GNB1: variants seen among roughly 807,000 people sequenced by gnomAD.
GNB1 encodes the protein G protein subunit beta 1, also known as guanine nucleotide-binding protein G(I)/G(S)/G(T) subunit beta-1.
In GNB1, 2 loss-of-function variants were observed where a neutral mutation model predicts 42.9. The observed-to-expected ratio is 0.05, with a 90% CI of 0.02 to 0.15. The LOEUF (loss-of-function observed/expected upper bound fraction) is 0.15. GNB1 is among the 10% of genes least tolerant of loss of function. The pLI is 1.00. For missense variants in GNB1, 193 were observed against 462.2 expected (o/e 0.42, Z 5.34); for synonymous variants, 183 against 174.7 (o/e 1.05, Z -0.38).
At chr1:1,849,105 G>A (rs1647842224) in intron 1 of GNB1, among the ~76,000 whole-genome samples, 1 of 152,150 alleles carries the variant, frequency 6.6e-6, no homozygotes. Context: ...TCTATCAATT[G>A]TGCCCAAGTA....
At chr1:1,803,321 C>A (rs1271256583) in intron 7 of GNB1, among the ~76,000 whole-genome samples, 2 of 152,222 alleles carry the variant, frequency 1.3e-5, no homozygotes, top group Non-Finnish European at 2.9e-5. Context: ...TTTGCAGAGA[C>A]AGGGTCTCGC....
chr1:1,879,021 G>GA (rs1649696181), intron 1 of GNB1, among the ~76,000 whole-genome samples: 1 of 152,160 alleles, frequency 6.6e-6, no homozygotes, highest in South Asian at 2.1e-4. Context: ...CTCTTCCTCT[G>GA]CACATCCCTA....
intron 1 of GNB1, 133 bp downstream of exon 1, chr1:1,890,687 G>C (rs993975613): frequency 6.8e-6 from 1 of 147,186 alleles, no homozygotes; most frequent in Non-Finnish European, 1.5e-5. Flanking sequence ...TTCGGACGCC[G>C]CCCGCCGCAC....
At chr1:1,803,426 G>A (rs1482613151) in intron 7 of GNB1, among the ~76,000 whole-genome samples, 1 of 152,182 alleles carries the variant, frequency 6.6e-6, no homozygotes, top group Admixed American at 6.5e-5. Context: ...TGGGACCATA[G>A]TTGTGTGCCA....
intron 7 of GNB1, among the ~76,000 whole-genome samples, chr1:1,797,906 C>T (rs1362228493): frequency 6.6e-6 from 1 of 152,194 alleles, no homozygotes; most frequent in African/African-American, 2.4e-5. Context: ...GCCATGACCA[C>T]GCCCAGTCCC....
intron 7 of GNB1, among the ~76,000 whole-genome samples, chr1:1,794,500 T>G (rs1646521522): frequency 6.6e-6 from 1 of 152,146 alleles, no homozygotes; most frequent in South Asian, 2.1e-4. Flanking sequence ...GCACTGGTGA[T>G]TCTTGGGATA....
intron 2 of GNB1, among the ~76,000 whole-genome samples, chr1:1,826,457 G>C (rs189306189): frequency 6.6e-6 from 1 of 152,066 alleles, no homozygotes; most frequent in Non-Finnish European, 1.5e-5. Context: ...GATAGCTATC[G>C]CATGAAGACC....
chr1:1,803,019 CA>C (rs1471636548), intron 7 of GNB1, among the ~76,000 whole-genome samples: 1 of 152,094 alleles, frequency 6.6e-6, no homozygotes, highest in Non-Finnish European at 1.5e-5. Flanking sequence ...GTAATCTGGC[CA>C]AAATTAACTT....
chr1:1,831,650 T>C (rs1307650775), intron 2 of GNB1, among the ~76,000 whole-genome samples: 1 of 152,010 alleles, frequency 6.6e-6, no homozygotes, highest in Non-Finnish European at 1.5e-5. Context: ...GGTTTCGCCA[T>C]GTTGGCCAGG....
At chr1:1,795,853 C>A (rs532384261) in intron 7 of GNB1, among the ~76,000 whole-genome samples, 4 of 152,328 alleles carry the variant, frequency 2.6e-5, no homozygotes, top group African/African-American at 9.6e-5. Context: ...CAGCTTCTTA[C>A]TCCAAGAACC....
intron 1 of GNB1, 73 bp downstream of exon 1, chr1:1,890,747 G>GGGGCGGGCGCCCCCA (rs1188755292): frequency 1.3e-5 from 2 of 148,512 alleles, no homozygotes; most frequent in African/African-American, 2.4e-5. Context: ...GGGTGGGGGC[G>GGGGCGGGCGCCCCCA]GGGCGGGCGC....
intron 1 of GNB1, among the ~76,000 whole-genome samples, chr1:1,866,283 C>G (rs763157859): frequency 1.2e-4 from 18 of 152,230 alleles, no homozygotes; most frequent in Non-Finnish European, 2.6e-4. Context: ...CCTCCATTCA[C>G]CCCATGAGAT....
At chr1:1,854,871 A>G (rs1301344835) in intron 1 of GNB1, among the ~76,000 whole-genome samples, 2 of 152,336 alleles carry the variant, frequency 1.3e-5, no homozygotes, top group East Asian at 3.9e-4. Flanking sequence ...CATCTCTACT[A>G]AAAATACATC....
At chr1:1,798,392 G>C (rs527282406) in intron 7 of GNB1, among the ~76,000 whole-genome samples, 4 of 152,316 alleles carry the variant, frequency 2.6e-5, no homozygotes, top group African/African-American at 7.2e-5. Context: ...CTATTTTCAT[G>C]AATATAGAAA....
chr1:1,793,106 G>A (rs911194308), intron 8 of GNB1, 139 bp downstream of exon 8: 1 of 503,154 alleles, frequency 2.0e-6, no homozygotes, highest in Non-Finnish European at 3.7e-6. Context: ...TTGCTACTAT[G>A]TGTTTTAAAT....
intron 5 of GNB1, 74 bp downstream of exon 5, chr1:1,815,682 A>G (rs1646844069): frequency 1.2e-6 from 1 of 800,128 alleles, no homozygotes; most frequent in African/African-American, 1.7e-5. Flanking sequence ...AAATGGGTTC[A>G]GGTACTTTTC....
chr1:1,827,581 C>A (rs950367039), intron 2 of GNB1, among the ~76,000 whole-genome samples: 6 of 152,098 alleles, frequency 3.9e-5, no homozygotes, highest in African/African-American at 1.4e-4. Context: ...TAAATCCTAG[C>A]GACTGTGATT....
At chr1:1,830,202 G>C (rs190381735) in intron 2 of GNB1, among the ~76,000 whole-genome samples, 2 of 152,178 alleles carry the variant, frequency 1.3e-5, no homozygotes, top group Non-Finnish European at 2.9e-5. Flanking sequence ...GGCTAATCTG[G>C]GGTCCTAGAA....
chr1:1,831,483 G>A (rs1020356918), intron 2 of GNB1, among the ~76,000 whole-genome samples: 3 of 152,018 alleles, frequency 2.0e-5, no homozygotes, highest in African/African-American at 7.2e-5. Flanking sequence ...CTAGCTCTGA[G>A]GCCCAGGCTG....
Sources: gnomAD v4.1 joint callset for allele counts (sites outside exome capture counted in the v4.1 genomes callset) on GRCh38, gnomAD v4.1.1 for gene constraint, MANE v1.5 for transcripts, NCBI Gene and HGNC (gene_info 2026-07-23, HGNC 2026-07-21) for gene names.